The following PHF14 variants were observed in gnomAD, a reference collection of about 807,000 sequenced individuals.
PHF14 encodes PHD finger protein 14.
A neutral mutation model predicts 117.9 loss-of-function variants in PHF14; 55 were observed. The observed-to-expected ratio is 0.47, with a 90% CI of 0.38 to 0.58. The LOEUF (loss-of-function observed/expected upper bound fraction) is 0.58, where lower values mean the gene tolerates loss of function less well. Ranked by LOEUF, PHF14 falls within the 20% of genes least tolerant of loss-of-function variation. The probability of loss-of-function intolerance (pLI) is 0.00; values close to 1 mark genes in which losing one functional copy is unlikely to be tolerated. For synonymous variants in PHF14, 409 were observed against 368.6 expected (o/e 1.11, Z -1.26); for missense variants, 978 against 1,122.2 (o/e 0.87, Z 1.84).
intron 14 of PHF14, among the ~76,000 whole-genome samples, chr7:11,059,702 A>C (rs1785145285): frequency 6.6e-6 from 1 of 152,056 alleles, no homozygotes; most frequent in Admixed American, 6.5e-5. Context: ...TGAACCTGGG[A>C]GGCGGAAACT....
intron 6 of PHF14, among the ~76,000 whole-genome samples, chr7:11,024,681 T>C (rs1783850800): frequency 6.6e-6 from 1 of 152,236 alleles, no homozygotes; most frequent in Non-Finnish European, 1.5e-5. Flanking sequence ...CCGCATGGTT[T>C]ACTGGATATT....
chr7:11,038,828 G>C lies in PHF14; in HGVS notation c.2049G>C (p.Trp683Cys). The change falls in exon 11 of 18, where the codon TGG (tryptophan) becomes TGC (cysteine). Residue 683 changes from tryptophan to cysteine, a missense_variant. Trp to Cys is a radical substitution (Grantham distance 215). Around this residue, in one of 7 missense-constraint regions of PHF14, gnomAD observed 237 missense variants for 276.4 expected, o/e 0.86. Transcript: ENST00000634607. The stretch of plus-strand genomic sequence containing the variant: ...TTCGAAGTGAAGGACAAGGAATATG[G>C]GCTTTACTAGGCAGAATCACAGGGC... ...GKLRSEGQGI[W>C]ALLGRITGQK... The C allele has an allele frequency of 6.4e-7, 1 of 1,573,016 alleles. No individual in the cohort carries two copies. Among genetic ancestry groups the C allele is most frequent in the Non-Finnish European group, 8.7e-7 (1 of 1,153,632 alleles).
intron 3 of PHF14, among the ~76,000 whole-genome samples, chr7:10,985,989 G>T (rs71536833): frequency 6.6e-6 from 1 of 151,578 alleles, no homozygotes; most frequent in Non-Finnish European, 1.5e-5. Flanking sequence ...TTTTTTTTGA[G>T]ACAGATTCTC....
chr7:11,059,274 A>G (rs114716702), intron 14 of PHF14, among the ~76,000 whole-genome samples: 2,131 of 152,320 alleles, frequency 0.014, 41 homozygotes, highest in African/African-American at 0.049. Flanking sequence ...TGAAAACATG[A>G]ACTTGCAGCA....
At chr7:11,136,318 CTTTTCA>C (rs1305893619) in intron 17 of PHF14, among the ~76,000 whole-genome samples, 1 of 151,972 alleles carries the variant, frequency 6.6e-6, no homozygotes, top group Non-Finnish European at 1.5e-5. Context: ...GAATTTAGAA[CTTTTCA>C]TTTTTATTTG....
chr7:11,076,780 C>G (rs1202885349), intron 16 of PHF14, among the ~76,000 whole-genome samples: 2 of 151,210 alleles, frequency 1.3e-5, no homozygotes, highest in Non-Finnish European at 2.9e-5. Flanking sequence ...GTTGTCCAGG[C>G]TCATCTCTAA....
At chr7:11,156,958 A>G (rs1001430286) in intron 17 of PHF14, among the ~76,000 whole-genome samples, 1 of 152,166 alleles carries the variant, frequency 6.6e-6, no homozygotes, top group African/African-American at 2.4e-5. Flanking sequence ...GAGGAAGGGT[A>G]TATTATTTTG....
At chr7:11,137,365 A>T (rs958224394) in intron 17 of PHF14, among the ~76,000 whole-genome samples, 2 of 152,134 alleles carry the variant, frequency 1.3e-5, no homozygotes, top group African/African-American at 2.4e-5. Context: ...TGACAGCTCT[A>T]CACAATTCCC....
chr7:11,066,537 A>G (rs190348656), intron 16 of PHF14, among the ~76,000 whole-genome samples: 8 of 152,298 alleles, frequency 5.3e-5, no homozygotes, highest in Non-Finnish European at 4.4e-5. Flanking sequence ...GTTTTCTTCT[A>G]GAAGCTTTGT....
chr7:11,063,072 A>G (rs955859252), intron 16 of PHF14: 35 of 867,840 alleles, frequency 4.0e-5, no homozygotes, highest in Admixed American at 6.2e-5. Flanking sequence ...TCATTAAAAT[A>G]TGTCTTAATT....
intron 14 of PHF14, 163 bp from the exon 15 acceptor site, chr7:11,061,628 C>A: frequency 2.4e-6 from 1 of 417,466 alleles, no homozygotes; most frequent in Non-Finnish European, 4.3e-6. Flanking sequence ...TAAATGGTAA[C>A]AAAGTGCAGT....
intron 17 of PHF14, among the ~76,000 whole-genome samples, chr7:11,114,202 ACTCC>A (rs1787527795): frequency 6.6e-6 from 1 of 152,006 alleles, no homozygotes; most frequent in African/African-American, 2.4e-5. Context: ...TGAAATTTTG[ACTCC>A]CTATTTGTTT....
rs975225913 is a variant in PHF14, at chr7:11,085,410, A to G, written c.2654+23325A>G. ...GATTTTAAAACATGTTGAAGCTATC[A>G]TTGATGTAACCTTTTGTGTAATGTA... On this transcript the variant is annotated intron_variant, in intron 16 of 17. Coordinates refer to ENST00000634607, the MANE Select transcript of PHF14 (RefSeq NM_001007157.2). 2.1e-4 allele frequency among the ~76,000 whole-genome samples: 32 copies of G among 152,332 alleles called. No homozygotes were observed. The South Asian group carries it at 3.3e-3, about 16-fold the overall frequency.
At chr7:11,142,522 C>T (rs142770871) in intron 17 of PHF14, among the ~76,000 whole-genome samples, 210 of 152,112 alleles carry the variant, frequency 1.4e-3, no homozygotes, top group African/African-American at 4.8e-3. Context: ...TCATTTCAGC[C>T]GCAAGCTTAT....
At chr7:10,980,895 C>T (rs1237588281) in intron 2 of PHF14, among the ~76,000 whole-genome samples, 3 of 152,044 alleles carry the variant, frequency 2.0e-5, no homozygotes, top group East Asian at 1.9e-4. Flanking sequence ...ATTGCTGACC[C>T]GTATGATATT....
At chr7:11,126,932 AC>A (rs1787945129) in intron 17 of PHF14, among the ~76,000 whole-genome samples, 3 of 152,054 alleles carry the variant, frequency 2.0e-5, no homozygotes, top group South Asian at 2.1e-4. Context: ...GACCACTCTT[AC>A]GTTTTTATTG....
At chr7:11,150,135 G>C (rs117013062) in intron 17 of PHF14, among the ~76,000 whole-genome samples, 5 of 152,172 alleles carry the variant, frequency 3.3e-5, no homozygotes, top group Non-Finnish European at 7.4e-5. Context: ...CAATATGCCA[G>C]GGAGTGATTA....
chr7:11,149,103 G>A (rs1397300692), intron 17 of PHF14, among the ~76,000 whole-genome samples: 1 of 151,910 alleles, frequency 6.6e-6, no homozygotes. Context: ...CAATAGTTAA[G>A]TGCCAAAGCA....
intron 16 of PHF14, chr7:11,105,062 A>T (rs1052258854): frequency 2.2e-6 from 2 of 906,412 alleles, no homozygotes; most frequent in Non-Finnish European, 2.6e-6. Flanking sequence ...GACTATGGAA[A>T]CAGCACTATT....
Sources: gnomAD v4.1 joint callset for allele counts (sites outside exome capture counted in the v4.1 genomes callset) on GRCh38, gnomAD v4.1.1 for gene constraint, gnomAD v4.1.1 regional missense constraint, MANE v1.5 for transcripts, NCBI Gene and HGNC (gene_info 2026-07-23, HGNC 2026-07-21) for gene names.